RRM2: variants seen among roughly 807,000 people sequenced by gnomAD.
The protein encoded by RRM2 is ribonucleoside-diphosphate reductase subunit M2.
A neutral mutation model predicts 45.9 loss-of-function variants in RRM2; 6 were observed. The ratio of observed to expected loss-of-function variants is 0.13; its 90% CI spans 0.07 to 0.26. The LOEUF is 0.26. Among genes scored for constraint, RRM2 ranks in the 10% least tolerant of loss-of-function variants. The pLI, the probability that RRM2 is intolerant of heterozygous loss-of-function variation, is 1.00. For missense variants in RRM2, 343 were observed against 489.5 expected, an observed-to-expected ratio of 0.70 and a Z score of 2.82; for synonymous variants, 177 against 173.0, an observed-to-expected ratio of 1.02 and a Z score of -0.18.
At position 10,127,184 on chromosome 2, in the gene RRM2, C is replaced by A; in HGVS notation, c.762C>A (p.Gly254=). 1 of 1,614,074 alleles carries A rather than the reference C, an allele frequency of 6.2e-7. No homozygotes were observed. The highest frequency in any genetic ancestry group is 1.1e-5 in the South Asian group (1 of 91,076). Residue 254 remains glycine, a synonymous_variant, in exon 7 of 10, where the codon GGC becomes GGA. Coordinates refer to ENST00000304567, the MANE Select transcript of RRM2 (RefSeq NM_001034.4). The surrounding 1 kb of genome is among the most constrained non-coding windows in gnomAD (Gnocchi z 4.1). ...FWLKKRGLMP[G]LTFSNELISR... The stretch of plus-strand genomic sequence containing the variant: ...TCAAGAAACGAGGACTGATGCCTGG[C>A]CTCACATTTTCTAATGAACTTATTA...
chr2:10,197,265 C>T (rs941770585), intron 3 of RRM2, among the ~76,000 whole-genome samples: 18 of 152,224 alleles, frequency 1.2e-4, no homozygotes, highest in Non-Finnish European at 2.4e-4. Flanking sequence ...TGAAGGGTAA[C>T]GCGAGCGCCT....
intron 3 of RRM2, among the ~76,000 whole-genome samples, chr2:10,183,647 C>G (rs192187275): frequency 2.1e-3 from 313 of 151,964 alleles, no homozygotes; most frequent in African/African-American, 7.1e-3. Context: ...GTCAGGAGCT[C>G]GAGACCAGCC....
At chr2:10,141,049 T>C (rs969923956), upstream of RRM2, among the ~76,000 whole-genome samples, 6 of 152,148 alleles carry the variant, frequency 3.9e-5, no homozygotes, top group Admixed American at 2.6e-4. Context: ...GTCGCTGTCA[T>C]GTGCGGGGCC....
chr2:10,205,149 G>A lies in RRM2; in HGVS notation n.483-5162G>A, dbSNP rs1185102703. On this transcript the variant is annotated intron_variant and non_coding_transcript_variant, in intron 3 of 3. Coordinates refer to the RRM2 transcript ENST00000381786. The surrounding 1 kb of genome is among the most constrained non-coding windows in gnomAD (Gnocchi z 4.8). The stretch of plus-strand genomic sequence containing the variant: ...CACCCTGAATCTTGTCTATTGTCCT[G>A]GCTAGTTCAGCTGGAGGCCAGGGGT... Among the ~76,000 whole-genome samples the A allele has an allele frequency of 2.6e-5, 4 of 152,202 alleles. No homozygotes were observed. Among genetic ancestry groups the A allele is most frequent in the Non-Finnish European group, 5.9e-5 (4 of 68,036 alleles).
intron 3 of RRM2, among the ~76,000 whole-genome samples, chr2:10,149,850 G>A (rs1052121917): frequency 1.6e-4 from 25 of 152,202 alleles, no homozygotes; most frequent in Non-Finnish European, 2.8e-4. Flanking sequence ...ACATGCCACT[G>A]TCATGAGATC....
At chr2:10,202,577 A>C (rs1313750450) in intron 3 of RRM2, among the ~76,000 whole-genome samples, 1 of 151,742 alleles carries the variant, frequency 6.6e-6, no homozygotes, top group East Asian at 1.9e-4. Context: ...GTTGGAGGAG[A>C]GTTTTATTTT....
chr2:10,144,498 C>T (rs1000610381), intron 3 of RRM2, among the ~76,000 whole-genome samples: 1 of 152,170 alleles, frequency 6.6e-6, no homozygotes, highest in African/African-American at 2.4e-5. Context: ...TGCCTGCCTT[C>T]TTACAGTGCT....
chr2:10,174,028 C>T (rs1663862906), intron 3 of RRM2, among the ~76,000 whole-genome samples: 1 of 152,182 alleles, frequency 6.6e-6, no homozygotes, highest in Non-Finnish European at 1.5e-5. Flanking sequence ...AGTGTGGCTG[C>T]ATTTGGAGTA....
At chr2:10,150,236 A>G (rs2125314773) in intron 3 of RRM2, among the ~76,000 whole-genome samples, 1 of 152,222 alleles carries the variant, frequency 6.6e-6, no homozygotes, top group Middle Eastern at 3.4e-3. Context: ...TCACGAGGTC[A>G]GGAGATCGAG....
intron 3 of RRM2, among the ~76,000 whole-genome samples, chr2:10,186,188 A>G (rs937781159): frequency 6.6e-6 from 1 of 152,074 alleles, no homozygotes; most frequent in African/African-American, 2.4e-5. Flanking sequence ...TTAGAGCCCC[A>G]GTTTCCATCT....
At chr2:10,160,189 T>C (rs1663527077) in intron 3 of RRM2, among the ~76,000 whole-genome samples, 1 of 152,228 alleles carries the variant, frequency 6.6e-6, no homozygotes, top group Non-Finnish European at 1.5e-5. Context: ...TCACCTGAGC[T>C]GCACCCCTTT....
Position 10,205,926 on chromosome 2 carries a change from C to T in RRM2, n.483-4385C>T, listed in dbSNP as rs1459074377. Among the ~76,000 whole-genome samples the T allele has an allele frequency of 6.6e-6, 1 of 152,062 alleles. No homozygotes were observed. The highest frequency in any genetic ancestry group is 1.5e-5 in the Non-Finnish European group (1 of 68,014). On this transcript the variant is annotated intron_variant and non_coding_transcript_variant, in intron 3 of 3. Coordinates refer to the RRM2 transcript ENST00000381786. The surrounding 1 kb of genome is among the most constrained non-coding windows in gnomAD (Gnocchi z 4.8). ...CAGGCTGGTCTCGAACTCCTGACCT[C>T]ATATGATCCTCCCGCCTTGGCTTCC...
chr2:10,179,145 T>A (rs1469846287), intron 3 of RRM2, among the ~76,000 whole-genome samples: 1 of 152,190 alleles, frequency 6.6e-6, no homozygotes, highest in Non-Finnish European at 1.5e-5. Flanking sequence ...TGTCTGGCAT[T>A]CATCCTTTTT....
rs112594467 is a variant in RRM2, at chr2:10,200,652, A to G, written n.483-9659A>G. 1.0e-3 allele frequency among the ~76,000 whole-genome samples: 94 copies of G among 90,720 alleles called. 10 individuals are homozygous for G. Among genetic ancestry groups the G allele is most frequent in the Middle Eastern group, 5.3e-3 (1 of 190 alleles). The allele number at this position is 90,720 out of a possible 152,430, so 59.5% of individuals were successfully genotyped here. A position where few individuals can be genotyped will look rare whatever the true frequency, so the allele number is the denominator to read the frequency against. ...AATATGAGGCCCACAGGCACCGCGC[A>G]CACAAAATATGAGGCCCACAGGGAC... On this transcript the variant is annotated intron_variant and non_coding_transcript_variant, in intron 3 of 3. Transcript: ENST00000381786.
intron 3 of RRM2, among the ~76,000 whole-genome samples, chr2:10,147,160 C>T (rs984044859): frequency 1.3e-5 from 2 of 152,140 alleles, no homozygotes; most frequent in African/African-American, 4.8e-5. Flanking sequence ...ACCTTGTTGG[C>T]CAGGATGGAC....
At chr2:10,132,234 T>C (rs1202671441), downstream of RRM2, among the ~76,000 whole-genome samples, 1 of 152,368 alleles carries the variant, frequency 6.6e-6, no homozygotes. Flanking sequence ...GTTTTCTACC[T>C]GCATTTTAAT....
At position 10,129,554 on chromosome 2, in the gene RRM2, G is replaced by T; in HGVS notation, c.*168G>T. 2.8e-6 allele frequency: 2 copies of T among 707,980 alleles called. No individual in the cohort carries two copies. Among genetic ancestry groups the T allele is most frequent in the South Asian group, 2.0e-5 (1 of 50,532 alleles). The allele number at this position is 707,980 out of a possible 1,614,324, so 43.9% of individuals were successfully genotyped here. A position where few individuals can be genotyped will look rare whatever the true frequency, so the allele number is the denominator to read the frequency against. On this transcript the variant is annotated 3_prime_UTR_variant, in exon 10 of 10. Transcript: ENST00000304567. The surrounding 1 kb of genome is among the most constrained non-coding windows in gnomAD (Gnocchi z 4.8). The stretch of plus-strand genomic sequence containing the variant: ...ACAACCAGTCCTGTCTGTTTATAGT[G>T]CTGGTAGTATCACCTTTTGCCAGAA...
In RRM2 at chr2:10,123,478, A is replaced by G; in HGVS notation, c.266A>G (p.Asp89Gly). 1.2e-6 allele frequency: 2 copies of G among 1,614,190 alleles called. No individual in the cohort carries two copies. Among genetic ancestry groups the G allele is most frequent in the Non-Finnish European group, 1.7e-6 (2 of 1,180,022 alleles). ...GTCATCTTCCCCATCGAGTACCATG[A>G]TATCTGGCAGATGTATAAGAAGGCA... ...RFVIFPIEYH[D>G]IWQMYKKAEA... Residue 89 changes from aspartate to glycine, a missense_variant, in exon 3 of 10, where the codon GAT (aspartate) becomes GGT (glycine). This residue lies in a region of RRM2 where 131 missense variants were observed against 121.4 expected (regional missense o/e 1.08). Transcript: ENST00000304567.
intron 3 of RRM2, among the ~76,000 whole-genome samples, chr2:10,166,721 C>CT (rs1344645078): frequency 1.3e-5 from 2 of 152,246 alleles, no homozygotes; most frequent in African/African-American, 4.8e-5. Flanking sequence ...GCACCAGCTG[C>CT]TTGGATGCTC....
Sources: gnomAD v4.1 joint callset for allele counts (sites outside exome capture counted in the v4.1 genomes callset) on GRCh38, gnomAD v4.1.1 for gene constraint, gnomAD v4.1.1 regional missense constraint, Gnocchi (gnomAD v3.1) non-coding constraint, MANE v1.5 for transcripts, NCBI Gene and HGNC (gene_info 2026-07-23, HGNC 2026-07-21) for gene names.